Variants in ASCC3 observed in about 807,000 individuals in gnomAD.
ASCC3 encodes the protein ASC-1 complex subunit P200.
In ASCC3, 158 loss-of-function variants were observed where a neutral mutation model predicts 256.3. The ratio of observed to expected loss-of-function variants is 0.62; its 90% CI spans 0.54 to 0.70. The LOEUF is 0.70. Ranked by LOEUF, ASCC3 falls within the 30% of genes least tolerant of loss-of-function variation. The pLI is 0.00. For synonymous variants in ASCC3, 948 were observed against 883.4 expected, an observed-to-expected ratio of 1.07 and a Z score of -1.30; for missense variants, 2,259 against 2,626.0, an observed-to-expected ratio of 0.86 and a Z score of 3.05.
chr6:100,820,854 T>C (rs1308078908), intron 4 of ASCC3, among the ~76,000 whole-genome samples: 3 of 152,086 alleles, frequency 2.0e-5, no homozygotes, highest in Non-Finnish European at 4.4e-5. Context: ...TATACACGAA[T>C]GACCAATAAC....
intron 3 of ASCC3, among the ~76,000 whole-genome samples, chr6:100,863,609 C>A (rs888012818): frequency 6.6e-6 from 1 of 151,996 alleles, no homozygotes; most frequent in Non-Finnish European, 1.5e-5. Context: ...CTGATAGATA[C>A]GGACTGTCTT....
intron 3 of ASCC3, among the ~76,000 whole-genome samples, chr6:100,850,412 C>G (rs768803569): frequency 2.6e-5 from 4 of 152,136 alleles, no homozygotes; most frequent in African/African-American, 9.7e-5. Flanking sequence ...ATGAGTACAA[C>G]GTTGAGTACA....
rs1779012817 is a variant in ASCC3, at chr6:100,714,792, T to A, written c.2151+670A>T. Among the ~76,000 whole-genome samples the A allele has an allele frequency of 3.3e-5, 5 of 152,080 alleles. No individual in the cohort carries two copies. The South Asian group carries it at 1.0e-3, about 31-fold the overall frequency. On this transcript the variant is annotated intron_variant, in intron 13 of 41. Transcript: ENST00000369162. ...GAAAAAATGCCTCAAGAATGCTCAG[T>A]GTTCCAATGTTTAAGGAGGCAGTGT...
chr6:100,523,541 T>C (rs1774409892), intron 37 of ASCC3, among the ~76,000 whole-genome samples: 1 of 152,136 alleles, frequency 6.6e-6, no homozygotes, highest in Non-Finnish European at 1.5e-5. Context: ...CTCTAGAGTT[T>C]AGAAAATGGG....
rs772851728 is a variant in ASCC3, at chr6:100,798,706, A to G, written c.1395+7T>C. On this transcript the variant is annotated splice_region_variant and intron_variant, in intron 8 of 41. Coordinates refer to ENST00000369162, the MANE Select transcript of ASCC3 (RefSeq NM_006828.4). Reference sequence around the variant, plus strand: ...AAACTATCAACTCTATAAAAGGCTCATCTCACCTCATCTAAGTCTTGGATA... The same window carrying G: ...AAACTATCAACTCTATAAAAGGCTCGTCTCACCTCATCTAAGTCTTGGATA... The G allele has an allele frequency of 1.2e-6, 2 of 1,611,978 alleles. No homozygotes were observed. The highest frequency in any genetic ancestry group is 8.5e-7 in the Non-Finnish European group (1 of 1,179,216).
rs9498403 is a variant in ASCC3, at chr6:100,832,217, G to A, written c.801+15931C>T. ...AAATACATGAATATTCAGAAAGAAC[G>A]CTTATAAAGGAATAACAAAAAGACT... On this transcript the variant is annotated intron_variant, in intron 4 of 41. Coordinates refer to ENST00000369162, the MANE Select transcript of ASCC3 (RefSeq NM_006828.4). 4.9e-3 allele frequency among the ~76,000 whole-genome samples: 746 copies of A among 152,118 alleles called. 9 individuals carry two copies. The highest frequency in any genetic ancestry group is 0.017 in the African/African-American group (720 of 41,518).
intron 8 of ASCC3, among the ~76,000 whole-genome samples, chr6:100,780,058 T>C (rs1209061880): frequency 6.6e-6 from 1 of 152,210 alleles, no homozygotes. Context: ...AAAAGTCATA[T>C]AATATATACT....
rs1269577551 is a variant in ASCC3, at chr6:100,589,946, A to T, written c.5415+2T>A. On this transcript the variant is annotated splice_donor_variant, in intron 35 of 41. Coordinates refer to ENST00000369162, the MANE Select transcript of ASCC3 (RefSeq NM_006828.4). LOFTEE classifies it high-confidence loss of function. ...ATTAGAATGCATATGACTAAGTCATACCTCTCCAATTTCAATACAGTAGGA... is the reference window on the plus strand; with the variant it reads ...ATTAGAATGCATATGACTAAGTCATTCCTCTCCAATTTCAATACAGTAGGA... 1 of 1,608,438 alleles carries T rather than the reference A, an allele frequency of 6.2e-7. No individual in the cohort carries two copies. Among genetic ancestry groups the T allele is most frequent in the Non-Finnish European group, 8.5e-7 (1 of 1,175,128 alleles).
At chr6:100,715,315 C>A in intron 13 of ASCC3, 147 bp downstream of exon 13, 1 of 655,774 alleles carries the variant, frequency 1.5e-6, no homozygotes, top group Non-Finnish European at 2.7e-6. Flanking sequence ...TGGGCTAAAG[C>A]AGTTATTAAG....
Position 100,657,248 on chromosome 6 carries a change from G to A in ASCC3, c.2704-1430C>T, listed in dbSNP as rs1029850576. Among the ~76,000 whole-genome samples, 65 of 151,176 alleles carry A rather than the reference G, an allele frequency of 4.3e-4. 1 individual carries two copies. Among genetic ancestry groups the A allele is most frequent in the Non-Finnish European group, 1.0e-4 (7 of 67,428 alleles). ...TAACTTTTAAATTTATATTACAAAC[G>A]GCTAAGCCATCCATAATGTAGGTAA... On this transcript the variant is annotated intron_variant, in intron 16 of 41. Transcript: ENST00000369162.
intron 1 of ASCC3, among the ~76,000 whole-genome samples, chr6:100,868,305 TA>T (rs576596339): frequency 1.5e-4 from 23 of 152,328 alleles, no homozygotes; most frequent in African/African-American, 4.6e-4. Context: ...CATCAAATAC[TA>T]TATTACTACT....
chr6:100,849,160 C>T (rs1772538114), intron 3 of ASCC3, among the ~76,000 whole-genome samples: 1 of 152,028 alleles, frequency 6.6e-6, no homozygotes, highest in Non-Finnish European at 1.5e-5. Flanking sequence ...GAGCAGGAAC[C>T]AACCCATTCC....
rs59777780 is a variant in ASCC3, at chr6:100,865,953, CATTTATTT to C, written c.91-1747_91-1740del. Among the ~76,000 whole-genome samples the C allele has an allele frequency of 5.6e-3, 830 of 148,830 alleles. 8 individuals carry two copies. The highest frequency in any genetic ancestry group is 0.019 in the African/African-American group (786 of 40,410). ...TCAGCAACCTAGAGATAAATAATTT[CATTTATTT>C]ATTTATTTATTTATTTATTTATTTT... On this transcript the variant is annotated intron_variant, in intron 2 of 41. Coordinates refer to ENST00000369162, the MANE Select transcript of ASCC3 (RefSeq NM_006828.4).
At chr6:100,651,768 G>A in intron 18 of ASCC3, 122 bp from the exon 19 acceptor site, 2 of 369,538 alleles carry the variant, frequency 5.4e-6, no homozygotes, top group Non-Finnish European at 9.5e-6. Context: ...CAGTTATAAT[G>A]TCTGTGTTAC....
chr6:100,838,681 A>AT (rs1219748192), intron 4 of ASCC3, among the ~76,000 whole-genome samples: 5 of 152,090 alleles, frequency 3.3e-5, no homozygotes, highest in African/African-American at 9.6e-5. Context: ...CACATACTAT[A>AT]ATTAGCTGCA....
At chr6:100,621,543 A>G (rs1469101125) in intron 30 of ASCC3, among the ~76,000 whole-genome samples, 3 of 152,220 alleles carry the variant, frequency 2.0e-5, no homozygotes, top group Non-Finnish European at 4.4e-5. Flanking sequence ...GTGAGGTACC[A>G]TCTCACATCA....
rs754315024 is a variant in ASCC3, at chr6:100,638,863, C to G, written c.3902-42G>C. 4 of 1,446,128 alleles carry G rather than the reference C, an allele frequency of 2.8e-6. No individual in the cohort carries two copies. In the South Asian group the frequency reaches 4.6e-5, roughly 16 times the overall value. The allele number at this position is 1,446,128 out of a possible 1,614,324, so 89.6% of individuals were successfully genotyped here. On this transcript the variant is annotated intron_variant, in intron 24 of 41. Coordinates refer to ENST00000369162, the MANE Select transcript of ASCC3 (RefSeq NM_006828.4). ...GGATGGCTATACGACAATTGAAAAA[C>G]ACGCATAATACTGAATACTGTATTA...
intron 10 of ASCC3, among the ~76,000 whole-genome samples, chr6:100,729,777 T>C (rs1218497177): frequency 6.6e-6 from 1 of 152,200 alleles, no homozygotes; most frequent in Non-Finnish European, 1.5e-5. Flanking sequence ...ATTTTAAAGA[T>C]AAAAGTATAC....
intron 10 of ASCC3, among the ~76,000 whole-genome samples, chr6:100,760,788 G>C (rs541794687): frequency 6.6e-6 from 1 of 152,276 alleles, no homozygotes; most frequent in African/African-American, 2.4e-5. Flanking sequence ...CAGAACAGCA[G>C]AGCGAGAACA....
Sources: gnomAD v4.1 joint callset for allele counts (sites outside exome capture counted in the v4.1 genomes callset) on GRCh38, gnomAD v4.1.1 for gene constraint, MANE v1.5 for transcripts, NCBI Gene and HGNC (gene_info 2026-07-23, HGNC 2026-07-21) for gene names.